The following GPR158 variants were observed in gnomAD, a reference collection of about 807,000 sequenced individuals.
The protein encoded by GPR158 is metabotropic glycine receptor.
GPR158 carries 30 observed loss-of-function variants against 78.2 expected under a neutral mutation model. That is an observed-to-expected ratio of 0.38 (90% CI 0.29 to 0.52). GPR158 has a LOEUF of 0.52. Among genes scored for constraint, GPR158 ranks in the 20% least tolerant of loss-of-function variants. The pLI is 0.83. For missense variants in GPR158, 1,463 were observed against 1,523.5 expected, an observed-to-expected ratio of 0.96 and a Z score of 0.66; for synonymous variants, 581 against 591.1, an observed-to-expected ratio of 0.98 and a Z score of 0.25.
chr10:25,226,644 A>G, intron 2 of GPR158, among the ~76,000 whole-genome samples: 1 of 152,192 alleles, frequency 6.6e-6, no homozygotes, highest in Non-Finnish European at 1.5e-5. Flanking sequence ...TTTGTAGCAC[A>G]ACTTTTCTTT....
chr10:25,291,211 G>T (rs1854431459), intron 2 of GPR158, among the ~76,000 whole-genome samples: 1 of 151,720 alleles, frequency 6.6e-6, no homozygotes, highest in Non-Finnish European at 1.5e-5. Flanking sequence ...GGAAAAGAAA[G>T]AATTCAGGAG....
intron 1 of GPR158, among the ~76,000 whole-genome samples, chr10:25,205,515 C>T (rs1055452417): frequency 5.9e-5 from 9 of 151,446 alleles, no homozygotes; most frequent in Admixed American, 2.6e-4. Context: ...GTGTGATGTT[C>T]GGCTGTTAAT....
At chr10:25,360,993 G>A (rs565554782) in intron 2 of GPR158, among the ~76,000 whole-genome samples, 9 of 151,872 alleles carry the variant, frequency 5.9e-5, no homozygotes, top group South Asian at 2.1e-4. Flanking sequence ...TTGTAAGTGC[G>A]TTAATTATAT....
chr10:25,572,755 C>A lies in GPR158; in HGVS notation c.1621C>A (p.Leu541Ile). The A allele has an allele frequency of 3.1e-6, 5 of 1,613,674 alleles. No homozygotes were observed. Among genetic ancestry groups the A allele is most frequent in the Non-Finnish European group, 4.2e-6 (5 of 1,179,620 alleles). Residue 541 changes from leucine (L) to isoleucine (I), a missense_variant, in exon 7 of 11, where the codon CTC becomes ATC. By Grantham distance (5) the Leu-to-Ile change is conservative (BLOSUM62 2). Coordinates refer to ENST00000376351, the MANE Select transcript of GPR158 (RefSeq NM_020752.3). ...AVILLVVFWF[L>I]IGWTSSVCQN... The stretch of plus-strand genomic sequence containing the variant: ...AATACTCTTGGTAGTGTTTTGGTTT[C>A]TCATTGGCTGGACTTCATCTGTGTG...
At chr10:25,378,099 A>G (rs965796485) in intron 2 of GPR158, among the ~76,000 whole-genome samples, 9 of 152,020 alleles carry the variant, frequency 5.9e-5, no homozygotes, top group Non-Finnish European at 8.8e-5. Flanking sequence ...GTTCCTGGTT[A>G]TTTTTTTAAA....
At chr10:25,250,694 C>A (rs1023372124) in intron 2 of GPR158, among the ~76,000 whole-genome samples, 44 of 146,832 alleles carry the variant, frequency 3.0e-4, no homozygotes, top group South Asian at 1.6e-3. Context: ...GTTATAATTT[C>A]TGTTCTTTTA....
chr10:25,402,127 A>G (rs1331405310), intron 3 of GPR158, among the ~76,000 whole-genome samples: 1 of 152,134 alleles, frequency 6.6e-6, no homozygotes, highest in Non-Finnish European at 1.5e-5. Context: ...GCCTCCTGGT[A>G]TGTTACACTG....
chr10:25,257,611 A>G (rs763707908), intron 2 of GPR158, among the ~76,000 whole-genome samples: 12 of 152,170 alleles, frequency 7.9e-5, no homozygotes, highest in Non-Finnish European at 1.8e-4. Flanking sequence ...TCCTTTTCTA[A>G]TTTATTCAAA....
intron 2 of GPR158, among the ~76,000 whole-genome samples, chr10:25,333,451 G>C (rs1021606589): frequency 2.0e-5 from 3 of 152,064 alleles, no homozygotes; most frequent in Admixed American, 2.0e-4. Context: ...ATACATATCT[G>C]TATGTGAACT....
At chr10:25,574,362 C>T (rs1837059058) in intron 7 of GPR158, among the ~76,000 whole-genome samples, 1 of 151,876 alleles carries the variant, frequency 6.6e-6, no homozygotes, top group Admixed American at 6.6e-5. Context: ...TGTATAAAGT[C>T]ATTATTCCTT....
intron 1 of GPR158, among the ~76,000 whole-genome samples, chr10:25,208,558 TTG>T (rs71399956): frequency 0.4 from 53,483 of 134,710 alleles, 10,373 homozygotes; most frequent in Middle Eastern, 0.49. Context: ...CTATGTGAAT[TTG>T]TGTGTGTGTG....
chr10:25,268,804 C>T (rs148151612), intron 2 of GPR158, among the ~76,000 whole-genome samples: 21 of 152,252 alleles, frequency 1.4e-4, no homozygotes, highest in East Asian at 5.8e-4. Context: ...ATAAGGTCAA[C>T]GAAATGTCAT....
chr10:25,494,354 T>C (rs533928862), intron 5 of GPR158, among the ~76,000 whole-genome samples: 2 of 152,270 alleles, frequency 1.3e-5, no homozygotes, highest in Admixed American at 6.5e-5. Flanking sequence ...TATCATAAAA[T>C]TTTATTATGT....
chr10:25,341,001 G>A (rs1384561986), intron 2 of GPR158, among the ~76,000 whole-genome samples: 1 of 152,040 alleles, frequency 6.6e-6, no homozygotes, highest in African/African-American at 2.4e-5. Flanking sequence ...GCTATAGTAA[G>A]AGTGAAAGTT....
At position 25,215,691 on chromosome 10, in the gene GPR158, A is replaced by T. The variant is rs758142746; in HGVS notation, c.903-5361A>T. ...CTCTACTAAAAATACAAAAATTAGCAGGGCGTGGTGGTGCGCACCTGTAGT... is the reference window on the plus strand; with the variant it reads ...CTCTACTAAAAATACAAAAATTAGCTGGGCGTGGTGGTGCGCACCTGTAGT... On this transcript the variant is annotated intron_variant, in intron 1 of 10. Transcript: ENST00000376351. Among the ~76,000 whole-genome samples the T allele has an allele frequency of 1.5e-3, 224 of 152,036 alleles. 1 individual carries two copies. Among genetic ancestry groups the T allele is most frequent in the Non-Finnish European group, 2.5e-3 (169 of 67,964 alleles).
At chr10:25,448,697 T>A (rs1372518415) in intron 4 of GPR158, among the ~76,000 whole-genome samples, 1 of 152,214 alleles carries the variant, frequency 6.6e-6, no homozygotes, top group Admixed American at 6.5e-5. Flanking sequence ...AAGACCATTT[T>A]CCAAAGTGGT....
chr10:25,572,325 C>T (rs1314207592), intron 6 of GPR158, among the ~76,000 whole-genome samples: 1 of 152,092 alleles, frequency 6.6e-6, no homozygotes, highest in African/African-American at 2.4e-5. Flanking sequence ...TCTGAATTTT[C>T]TCATGTTAAA....
intron 2 of GPR158, among the ~76,000 whole-genome samples, chr10:25,366,405 G>C (rs1855724548): frequency 6.6e-6 from 1 of 151,434 alleles, no homozygotes; most frequent in Non-Finnish European, 1.5e-5. Context: ...TGTCCATTTT[G>C]ATGACTGAGC....
chr10:25,303,252 C>T (rs900528927), intron 2 of GPR158, among the ~76,000 whole-genome samples: 1 of 152,162 alleles, frequency 6.6e-6, no homozygotes, highest in African/African-American at 2.4e-5. Flanking sequence ...TCTTTAGCTG[C>T]ACTAGCCACA....
Sources: gnomAD v4.1 joint callset for allele counts (sites outside exome capture counted in the v4.1 genomes callset) on GRCh38, gnomAD v4.1.1 for gene constraint, MANE v1.5 for transcripts, NCBI Gene and HGNC (gene_info 2026-07-23, HGNC 2026-07-21) for gene names.